Variants in ZBP1 observed in about 807,000 individuals in gnomAD.
ZBP1 encodes Z-DNA binding protein 1.
Under a neutral mutation model 41.1 loss-of-function variants are expected in ZBP1, and 42 were observed. The ratio of observed to expected loss-of-function variants is 1.02; its 90% confidence interval spans 0.80 to 1.32. The LOEUF is 1.32. ZBP1 is among the 40% of genes most tolerant of loss of function. The pLI is 0.00. For missense variants in ZBP1, 562 were observed against 549.7 expected, an observed-to-expected ratio of 1.02 and a Z score of -0.22; for synonymous variants, 214 against 205.2, an observed-to-expected ratio of 1.04 and a Z score of -0.37.
Position 57,610,373 on chromosome 20 carries a change from G to A in ZBP1, c.875-6C>T. On this transcript the variant is annotated splice_polypyrimidine_tract_variant and splice_region_variant and intron_variant, in intron 6 of 7. Coordinates refer to ENST00000371173, the MANE Select transcript of ZBP1 (RefSeq NM_030776.3). The surrounding 1 kb of genome is among the most constrained non-coding windows in gnomAD (Gnocchi z 5.5). ...GCCGGCAGCAGTGGCAGAGACTGTG[G>A]GTCAAAGGGAGAGAGGCCTGGAGCC... is the stretch of plus-strand genomic sequence containing the variant. 1 of 1,613,998 alleles carries A rather than the reference G, an allele frequency of 6.2e-7. No individual in the cohort carries two copies. Among genetic ancestry groups the A allele is most frequent in the Non-Finnish European group, 8.5e-7 (1 of 1,179,896 alleles).
chr20:57,606,485 G>A (rs1342036115), intron 7 of ZBP1, among the ~76,000 whole-genome samples: 1 of 152,220 alleles, frequency 6.6e-6, no homozygotes, highest in Non-Finnish European at 1.5e-5. Context: ...TGATGAGCGT[G>A]ACTACACAAC....
At chr20:57,612,924 T>A in intron 5 of ZBP1, 1 of 1,330,468 alleles carries the variant, frequency 7.5e-7, no homozygotes, top group Non-Finnish European at 9.6e-7. Flanking sequence ...AAATAAAAAT[T>A]AAATTAAACT....
At chr20:57,616,713 C>T (rs1397102100) in intron 1 of ZBP1, 3 of 518,334 alleles carry the variant, frequency 5.8e-6, no homozygotes, top group African/African-American at 3.9e-5. Flanking sequence ...AGGGGAGGTG[C>T]CACCTCGCCT....
intron 2 of ZBP1, 197 bp downstream of exon 2, chr20:57,616,047 C>A (rs1288824785): frequency 8.1e-6 from 5 of 615,568 alleles, no homozygotes; most frequent in African/African-American, 1.8e-5. Flanking sequence ...GACGCAGGGC[C>A]TCCTCTCAGC....
At chr20:57,618,118 T>C (rs1242379060) in intron 1 of ZBP1, 2 of 152,312 alleles carry the variant, frequency 1.3e-5, no homozygotes, top group Non-Finnish European at 2.9e-5. Context: ...CAAAGCCAGC[T>C]GCTCTGCCCA....
chr20:57,616,134 G>A, intron 2 of ZBP1, 110 bp downstream of exon 2: 11 of 993,082 alleles, frequency 1.1e-5, no homozygotes, highest in Non-Finnish European at 1.4e-5. Flanking sequence ...GGAAACCTGT[G>A]AGCTCCCATG....
At chr20:57,606,371 T>C (rs1208838420) in intron 7 of ZBP1, among the ~76,000 whole-genome samples, 1 of 152,086 alleles carries the variant, frequency 6.6e-6, no homozygotes, top group Non-Finnish European at 1.5e-5. Flanking sequence ...GTTCATGAGG[T>C]TTAAGGAAAG....
At chr20:57,615,273 A>C in intron 3 of ZBP1, 1 of 682,706 alleles carries the variant, frequency 1.5e-6, no homozygotes, top group South Asian at 1.9e-5. Context: ...TGGGCCTGGC[A>C]TGTGGCGGGT....
Position 57,620,286 on chromosome 20 carries a change from C to G in ZBP1, c.10G>C (p.Ala4Pro), listed in dbSNP as rs1238790843. The G allele has an allele frequency of 6.3e-7, 1 of 1,597,940 alleles. No individual in the cohort carries two copies. Among genetic ancestry groups the G allele is most frequent in the Admixed American group, 1.7e-5 (1 of 57,944 alleles). ...CCTTCTCTGCCCGGGTCAGCAGGAG[C>G]CTGGGCCATGCTGACAGCAGCTGCA... MAQ[A>P]PADPGREGHL... is the part of the protein sequence containing the mutation. Residue 4 changes from alanine (A) to proline (P), a missense_variant, in exon 1 of 8, where the codon GCT becomes CCT. Coordinates refer to ENST00000371173, the MANE Select transcript of ZBP1 (RefSeq NM_030776.3).
intron 7 of ZBP1, chr20:57,607,207 G>T (rs1165547051): frequency 7.7e-7 from 1 of 1,304,036 alleles, no homozygotes; most frequent in Admixed American, 2.3e-5. Flanking sequence ...ATGGGAGGAG[G>T]TCAAACTATC....
Position 57,610,571 on chromosome 20 carries a change from C to T in ZBP1, c.875-204G>A. ...GTTGTGCTGTCTGGGAAGCGTCTTT[C>T]TGCTCCACTGATCCCGCAGTGGGTC... On this transcript the variant is annotated intron_variant, in intron 6 of 7. Transcript: ENST00000371173. The surrounding 1 kb of genome is among the most constrained non-coding windows in gnomAD (Gnocchi z 5.5). The T allele has an allele frequency of 1.6e-6, 1 of 608,310 alleles. No individual in the cohort carries two copies. The highest frequency in any genetic ancestry group is 2.8e-5 in the East Asian group (1 of 36,120). The allele number at this position is 608,310 out of a possible 1,614,324, so 37.7% of individuals were successfully genotyped here.
Position 57,615,185 on chromosome 20 carries a change from G to T in ZBP1, c.329-125C>A. On this transcript the variant is annotated intron_variant, in intron 3 of 7. Coordinates refer to ENST00000371173, the MANE Select transcript of ZBP1 (RefSeq NM_030776.3). The stretch of plus-strand genomic sequence containing the variant: ...CCTGGTTTCCTCATCTGTAAAATGG[G>T]TGTCATGATAACGGGGTCATCATGA... 4.6e-6 allele frequency: 5 copies of T among 1,086,446 alleles called. No homozygotes were observed. In the South Asian group the frequency reaches 7.4e-5, roughly 16 times the overall value. The allele number at this position is 1,086,446 out of a possible 1,614,324, so 67.3% of individuals were successfully genotyped here.
Position 57,610,493 on chromosome 20 carries a change from C to A in ZBP1, c.875-126G>T. 1.0e-6 allele frequency: 1 copy of A among 973,584 alleles called. No individual in the cohort carries two copies. Among genetic ancestry groups the A allele is most frequent in the Non-Finnish European group, 1.5e-6 (1 of 650,680 alleles). The allele number at this position is 973,584 out of a possible 1,614,324, so 60.3% of individuals were successfully genotyped here. A position where few individuals can be genotyped will look rare whatever the true frequency, so the allele number is the denominator to read the frequency against. On this transcript the variant is annotated intron_variant, in intron 6 of 7. Transcript: ENST00000371173. The surrounding 1 kb of genome is among the most constrained non-coding windows in gnomAD (Gnocchi z 5.5). ...CCAGTGGCCCACACCATCCCAGGAG[C>A]ACAGCCTGTGCCTGCCCGCCACACC...
rs1261915156 is a variant in ZBP1 at position 57,615,004 on chromosome 20, C to CGATGA, written c.380_384dup (p.Ala129SerfsTer8). The CGATGA allele has an allele frequency of 6.2e-7, 1 of 1,614,076 alleles. No homozygotes were observed. Among genetic ancestry groups the CGATGA allele is most frequent in the Non-Finnish European group, 8.5e-7 (1 of 1,180,056 alleles). On this transcript the variant is annotated frameshift_variant, in exon 4 of 8. Transcript: ENST00000371173. LOFTEE classifies it high-confidence loss of function. ...GCTGTCCTCATTCCCAGTGCTTGGG[C>CGATGA]GATGACCAGGGCCCTCTGGGGACCA...
At chr20:57,605,579 C>G (rs1052516621) in intron 7 of ZBP1, among the ~76,000 whole-genome samples, 1 of 152,168 alleles carries the variant, frequency 6.6e-6, no homozygotes, top group Non-Finnish European at 1.5e-5. Context: ...TCCTCTCTCT[C>G]CCTCTCCTCA....
Position 57,613,902 on chromosome 20 carries a change from C to T in ZBP1, c.503-572G>A, listed in dbSNP as rs982944606. Among the ~76,000 whole-genome samples the T allele has an allele frequency of 2.0e-5, 3 of 152,074 alleles. No individual in the cohort carries two copies. Among genetic ancestry groups the T allele is most frequent in the Admixed American group, 6.5e-5 (1 of 15,274 alleles). ...TGCAGAGGTTGAGGCAGGCACCTGCCCAGACTGTGCGGGGCCCATCACCAC... is the reference window on the plus strand; with the variant it reads ...TGCAGAGGTTGAGGCAGGCACCTGCTCAGACTGTGCGGGGCCCATCACCAC... On this transcript the variant is annotated intron_variant, in intron 4 of 7. Coordinates refer to ENST00000371173, the MANE Select transcript of ZBP1 (RefSeq NM_030776.3). The surrounding 1 kb of genome is among the most constrained non-coding windows in gnomAD (Gnocchi z 4.5).
intron 2 of ZBP1, chr20:57,615,905 G>A (rs908587156): frequency 1.8e-4 from 96 of 527,450 alleles, no homozygotes; most frequent in Non-Finnish European, 2.7e-4. Context: ...GCTAGAAAAG[G>A]GGGGCTGGTG....
chr20:57,604,583 C>T lies in ZBP1; in HGVS notation c.1280G>A (p.Gly427Asp). The change falls in exon 8 of 8, where the codon GGT becomes GAT. Residue 427 changes from glycine (G) to aspartate (D), a missense_variant. By Grantham distance (94) the Gly-to-Asp change is moderately conservative (BLOSUM62 -1). Transcript: ENST00000371173. ...EASHEGSWWG[G>D]GI ...ACGTGAGGCTGTGCACTAAATCCCACCTCCCCACCAGCTCCCCTCGTGTGA... is the reference window on the plus strand; with the variant it reads ...ACGTGAGGCTGTGCACTAAATCCCATCTCCCCACCAGCTCCCCTCGTGTGA... The T allele has an allele frequency of 6.2e-7, 1 of 1,613,416 alleles. No individual in the cohort carries two copies. The highest frequency in any genetic ancestry group is 8.5e-7 in the Non-Finnish European group (1 of 1,179,566).
intron 4 of ZBP1, among the ~76,000 whole-genome samples, chr20:57,614,474 C>A (rs75922617): frequency 0.032 from 4,872 of 152,218 alleles, 267 homozygotes; most frequent in African/African-American, 0.11. Flanking sequence ...CACGGGGAAG[C>A]TGACCCTGCG....
Sources: gnomAD v4.1 joint callset for allele counts (sites outside exome capture counted in the v4.1 genomes callset) on GRCh38, gnomAD v4.1.1 for gene constraint, Gnocchi (gnomAD v3.1) non-coding constraint, MANE v1.5 for transcripts, NCBI Gene and HGNC (gene_info 2026-07-23, HGNC 2026-07-21) for gene names.